Variants in KCNIP4 observed in about 807,000 individuals in gnomAD.
KCNIP4 encodes potassium voltage-gated channel interacting protein 4, also known as Kv channel-interacting protein 4.
KCNIP4 carries 12 observed loss-of-function variants against 34.0 expected under a neutral mutation model. The observed-to-expected ratio is 0.35, with a 90% CI of 0.23 to 0.57. The LOEUF (loss-of-function observed/expected upper bound fraction) is 0.57. KCNIP4 is among the 20% of genes least tolerant of loss of function. The probability of loss-of-function intolerance (pLI) is 0.83; values close to 1 mark genes in which losing one functional copy is unlikely to be tolerated. For synonymous variants in KCNIP4, 124 were observed against 102.2 expected (o/e 1.21, Z -1.29); for missense variants, 238 against 311.7 (o/e 0.76, Z 1.78).
intron 1 of KCNIP4, among the ~76,000 whole-genome samples, chr4:21,653,588 G>A (rs778223761): frequency 3.3e-5 from 5 of 152,138 alleles, no homozygotes; most frequent in Admixed American, 6.5e-5. Flanking sequence ...TATGTGTAAT[G>A]CTAGTTTACA....
chr4:20,802,328 C>T (rs75907954), intron 3 of KCNIP4, among the ~76,000 whole-genome samples: 4,473 of 148,956 alleles, frequency 0.03, 220 homozygotes, highest in Admixed American at 0.12. Context: ...CACACACACA[C>T]GTCTCCAACA....
chr4:20,749,564 T>C, intron 5 of KCNIP4, 98 bp downstream of exon 5: 1 of 782,810 alleles, frequency 1.3e-6, no homozygotes, highest in Non-Finnish European at 2.0e-6. Context: ...GGGCTTTCTT[T>C]CCCCTGAGCA....
intron 1 of KCNIP4, among the ~76,000 whole-genome samples, chr4:20,997,863 G>A (rs1295252787): frequency 1.3e-5 from 2 of 152,182 alleles, no homozygotes; most frequent in Admixed American, 6.5e-5. Context: ...AACTCTTGAA[G>A]GGCCATACAG....
At chr4:20,751,373 G>A (rs1163436856) in intron 4 of KCNIP4, among the ~76,000 whole-genome samples, 1 of 152,080 alleles carries the variant, frequency 6.6e-6, no homozygotes, top group Non-Finnish European at 1.5e-5. Context: ...ACTTAGTTCT[G>A]TTGTTGGGAA....
Position 20,767,802 on chromosome 4 carries a change from G to T in KCNIP4, c.289-8912C>A, listed in dbSNP as rs139353255. 6.3e-3 allele frequency among the ~76,000 whole-genome samples: 959 copies of T among 152,168 alleles called. 7 individuals carry two copies. Among genetic ancestry groups the T allele is most frequent in the Admixed American group, 9.7e-3 (148 of 15,270 alleles). On this transcript the variant is annotated intron_variant, in intron 3 of 8. Transcript: ENST00000382152. ...GAGACTTCTTCAGGATTAAAAAAAA[G>T]AATTACAGTAAGACATTTCATAGGA...
chr4:21,177,874 A>ATG (rs1754536100), intron 1 of KCNIP4, among the ~76,000 whole-genome samples: 1 of 146,620 alleles, frequency 6.8e-6, no homozygotes, highest in Admixed American at 6.8e-5. Flanking sequence ...ATATATATAT[A>ATG]TATAAAATAT....
At chr4:20,764,860 A>ACACAGACAGGGTCG (rs1755259482) in intron 3 of KCNIP4, among the ~76,000 whole-genome samples, 1 of 152,178 alleles carries the variant, frequency 6.6e-6, no homozygotes, top group African/African-American at 2.4e-5. Flanking sequence ...CTGTGATGGC[A>ACACAGACAGGGTCG]CTCAGCCGGA....
Position 21,818,315 on chromosome 4 carries a change from C to T in KCNIP4, c.61+130256G>A, listed in dbSNP as rs570060490. On this transcript the variant is annotated intron_variant, in intron 1 of 8. Coordinates refer to ENST00000382152, the MANE Select transcript of KCNIP4 (RefSeq NM_025221.6). The stretch of plus-strand genomic sequence containing the variant: ...AGCATCAACCCCTGTTCTGAAATCC[C>T]CAGGGGGTAACCCCAAACTCAGCTT... Among the ~76,000 whole-genome samples, 3 of 152,328 alleles carry T rather than the reference C, an allele frequency of 2.0e-5. No individual in the cohort carries two copies. In the South Asian group the frequency reaches 6.2e-4, roughly 32 times the overall value.
intron 1 of KCNIP4, among the ~76,000 whole-genome samples, chr4:21,168,240 A>G (rs1753778384): frequency 6.6e-6 from 1 of 152,092 alleles, no homozygotes; most frequent in South Asian, 2.1e-4. Context: ...TGGTAATGTG[A>G]TGGTGTTAAC....
intron 1 of KCNIP4, among the ~76,000 whole-genome samples, chr4:21,713,882 C>T (rs1158354860): frequency 1.3e-5 from 2 of 152,154 alleles, no homozygotes; most frequent in African/African-American, 4.8e-5. Flanking sequence ...AGCTCATGTA[C>T]AAACCCATGA....
intron 1 of KCNIP4, among the ~76,000 whole-genome samples, chr4:21,167,272 T>C (rs1042233277): frequency 2.0e-5 from 3 of 152,160 alleles, no homozygotes; most frequent in Non-Finnish European, 4.4e-5. Flanking sequence ...TTCACTACTT[T>C]GATTAGAATT....
At chr4:21,066,306 C>T (rs1390400879) in intron 1 of KCNIP4, among the ~76,000 whole-genome samples, 2 of 152,120 alleles carry the variant, frequency 1.3e-5, no homozygotes, top group Non-Finnish European at 2.9e-5. Flanking sequence ...GGCCAAGCAA[C>T]ATGGTCAAAT....
chr4:21,189,333 C>T (rs1411657297), intron 1 of KCNIP4, among the ~76,000 whole-genome samples: 2 of 152,268 alleles, frequency 1.3e-5, no homozygotes, highest in African/African-American at 4.8e-5. Flanking sequence ...TTGAAATACA[C>T]ATCCAGCTCC....
At chr4:21,338,826 G>T (rs530791784) in intron 1 of KCNIP4, among the ~76,000 whole-genome samples, 28 of 152,086 alleles carry the variant, frequency 1.8e-4, no homozygotes, top group African/African-American at 6.5e-4. Flanking sequence ...CTGCCACTCA[G>T]ATTCTTTTTC....
intron 1 of KCNIP4, among the ~76,000 whole-genome samples, chr4:20,918,119 T>C (rs1307153428): frequency 6.6e-6 from 1 of 152,106 alleles, no homozygotes; most frequent in African/African-American, 2.4e-5. Flanking sequence ...AACCAATACA[T>C]TGCAGAGTTG....
At chr4:21,041,671 G>A (rs10000167) in intron 1 of KCNIP4, among the ~76,000 whole-genome samples, 4,182 of 152,236 alleles carry the variant, frequency 0.027, 162 homozygotes, top group African/African-American at 0.094. Context: ...GACATGCAAA[G>A]AAGCTAAAAA....
At chr4:21,787,691 T>C (rs1720002301) in intron 1 of KCNIP4, among the ~76,000 whole-genome samples, 1 of 152,224 alleles carries the variant, frequency 6.6e-6, no homozygotes, top group South Asian at 2.1e-4. Context: ...CTTCCCATTA[T>C]AACGTTTCAC....
At chr4:21,416,692 A>C (rs1203335210) in intron 1 of KCNIP4, among the ~76,000 whole-genome samples, 1 of 152,220 alleles carries the variant, frequency 6.6e-6, no homozygotes, top group Non-Finnish European at 1.5e-5. Flanking sequence ...CATATTTCTT[A>C]AGAGAACTGA....
At chr4:21,063,328 A>G (rs892889040) in intron 1 of KCNIP4, among the ~76,000 whole-genome samples, 5 of 152,160 alleles carry the variant, frequency 3.3e-5, no homozygotes, top group Non-Finnish European at 5.9e-5. Flanking sequence ...CTAAAGTTAA[A>G]TATTTTAAAT....
Sources: gnomAD v4.1 joint callset for allele counts (sites outside exome capture counted in the v4.1 genomes callset) on GRCh38, gnomAD v4.1.1 for gene constraint, MANE v1.5 for transcripts, NCBI Gene and HGNC (gene_info 2026-07-23, HGNC 2026-07-21) for gene names.